The following DEPDC5 variants were observed in gnomAD, a reference collection of about 807,000 sequenced individuals.
DEPDC5 encodes the protein DEP domain containing 5, GATOR1 subcomplex subunit.
A neutral mutation model predicts 217.3 loss-of-function variants in DEPDC5; 73 were observed. The observed-to-expected ratio is 0.34, with a 90% CI of 0.28 to 0.41. The LOEUF is 0.41. Ranked by LOEUF, DEPDC5 falls within the 10% of genes least tolerant of loss-of-function variation. DEPDC5 has a pLI of 1.00. For missense variants in DEPDC5, 1,675 were observed against 2,070.1 expected (o/e 0.81, Z 3.70); for synonymous variants, 733 against 756.7 (o/e 0.97, Z 0.51).
At chr22:31,854,692 A>C (rs879417495) in intron 31 of DEPDC5, among the ~76,000 whole-genome samples, 1 of 152,198 alleles carries the variant, frequency 6.6e-6, no homozygotes, top group Non-Finnish European at 1.5e-5. Flanking sequence ...CTTAGGAAGA[A>C]TAGTGGCCCA....
chr22:31,861,177 TC>T (rs377758632), intron 32 of DEPDC5, among the ~76,000 whole-genome samples, 190 bp from the exon 33 acceptor site: 3 of 150,108 alleles, frequency 2.0e-5, no homozygotes, highest in African/African-American at 7.3e-5. Flanking sequence ...TCTCTCTCTC[TC>T]TTTTTTTTTT....
chr22:31,879,499 C>A (rs773252406), intron 37 of DEPDC5, 26 bp from the exon 38 acceptor site: 3 of 1,597,906 alleles, frequency 1.9e-6, no homozygotes, highest in African/African-American at 1.3e-5. Context: ...GTTGAGTACT[C>A]CTTCTCTCCC....
At chr22:31,794,707 A>C (rs2086045219) in intron 12 of DEPDC5, among the ~76,000 whole-genome samples, 4 of 152,114 alleles carry the variant, frequency 2.6e-5, no homozygotes, top group African/African-American at 9.7e-5. Context: ...CACCATGGAA[A>C]ACCCTGTCTC....
intron 38 of DEPDC5, among the ~76,000 whole-genome samples, chr22:31,890,038 A>G (rs1226949629): frequency 6.6e-6 from 1 of 152,102 alleles, no homozygotes; most frequent in African/African-American, 2.4e-5. Flanking sequence ...AAATTGGGAG[A>G]AGAGACCAGC....
intron 26 of DEPDC5, 31 bp downstream of exon 26, chr22:31,837,186 G>A (rs1463983483): frequency 3.7e-6 from 6 of 1,611,488 alleles, no homozygotes; most frequent in Non-Finnish European, 5.1e-6. Context: ...CACTTGGCTT[G>A]GTTGGTGAGG....
chr22:31,783,606 T>G (rs1443872908), intron 8 of DEPDC5, among the ~76,000 whole-genome samples: 1 of 152,126 alleles, frequency 6.6e-6, no homozygotes, highest in Non-Finnish European at 1.5e-5. Flanking sequence ...AGTTTGAGGC[T>G]GCAGTGAGCT....
upstream of DEPDC5, chr22:31,753,990 TTCTCAGGTGAGCGCTACACGGTC>T: frequency 6.6e-6 from 1 of 151,682 alleles, no homozygotes; most frequent in South Asian, 2.0e-4. Flanking sequence ...GCGGCGCGGG[TTCTCAGGTGAGCGCTACACGGTC>T]GGGGCGGGCC....
intron 38 of DEPDC5, 24 bp from the exon 39 acceptor site, chr22:31,893,558 G>T (rs1360029611): frequency 6.5e-7 from 1 of 1,532,652 alleles, no homozygotes; most frequent in African/African-American, 1.4e-5. Context: ...ACTCTCTTGG[G>T]GCCCCTCCTG....
chr22:31,773,338 C>T (rs1260488787), intron 7 of DEPDC5, among the ~76,000 whole-genome samples: 1 of 152,162 alleles, frequency 6.6e-6, no homozygotes, highest in East Asian at 1.9e-4. Context: ...CAAGTGCGTG[C>T]CAGCATGCCT....
At chr22:31,789,068 TG>T (rs1208952182) in intron 10 of DEPDC5, among the ~76,000 whole-genome samples, 2 of 152,018 alleles carry the variant, frequency 1.3e-5, no homozygotes, top group East Asian at 3.9e-4. Context: ...TGCTAATTTT[TG>T]TATTTTTAGT....
intron 4 of DEPDC5, among the ~76,000 whole-genome samples, chr22:31,761,967 CAAA>C (rs776677814): frequency 2.1e-4 from 13 of 61,364 alleles, no homozygotes; most frequent in Non-Finnish European, 2.6e-4. Context: ...GACTCCGGCT[CAAA>C]AAAAAAAAAA....
At position 31,760,715 on chromosome 22, in the gene DEPDC5, T is replaced by C. The variant is rs1488473434; in HGVS notation, c.193+13T>C. 1 of 1,595,636 alleles carries C rather than the reference T, an allele frequency of 6.3e-7. No homozygotes were observed. Among genetic ancestry groups the C allele is most frequent in the African/African-American group, 1.4e-5 (1 of 73,988 alleles). ...GATTTACAGAAGGGTAAGAATTATA[T>C]CACTCTTCTTAGAATTTTTTATTTA... On this transcript the variant is annotated intron_variant, in intron 4 of 42. Coordinates refer to ENST00000651528, the MANE Select transcript of DEPDC5 (RefSeq NM_001242896.3).
chr22:31,784,096 AATATCATTGTGAGAAT>A, intron 9 of DEPDC5, 111 bp downstream of exon 9: 1 of 820,466 alleles, frequency 1.2e-6, no homozygotes, highest in Non-Finnish European at 2.0e-6. Flanking sequence ...ACAAACTTTA[AATATCATTGTGAGAAT>A]AATCATATTT....
intron 26 of DEPDC5, chr22:31,837,367 C>A: frequency 1.7e-6 from 1 of 587,062 alleles, no homozygotes; most frequent in Non-Finnish European, 2.9e-6. Flanking sequence ...TTTTTTTTAA[C>A]TGAGAGAGGG....
At chr22:31,800,232 C>T (rs1233850155) in intron 14 of DEPDC5, among the ~76,000 whole-genome samples, 2 of 152,098 alleles carry the variant, frequency 1.3e-5, no homozygotes, top group African/African-American at 2.4e-5. Context: ...TGTAAACACC[C>T]TGTGACTAAG....
At chr22:31,867,538 A>C (rs971383709) in intron 33 of DEPDC5, among the ~76,000 whole-genome samples, 1 of 152,232 alleles carries the variant, frequency 6.6e-6, no homozygotes, top group African/African-American at 2.4e-5. Context: ...ATACATAGAT[A>C]GAGCAGAGGT....
chr22:31,828,478 T>C (rs1386990235), intron 24 of DEPDC5, among the ~76,000 whole-genome samples: 11 of 149,650 alleles, frequency 7.4e-5, no homozygotes, highest in South Asian at 2.1e-4. Flanking sequence ...AAAAAAACAG[T>C]TCCTGGCACA....
Position 31,822,686 on chromosome 22 carries a change from T to C in DEPDC5, c.2007-7T>C. ...TAAGCCAGGTGGCTGGGCTCTGTTC[T>C]CTGCAGGCACAGCAATTCCCGCCAG... On this transcript the variant is annotated splice_polypyrimidine_tract_variant and splice_region_variant and intron_variant, in intron 23 of 42. Transcript: ENST00000651528. 1 of 1,613,950 alleles carries C rather than the reference T, an allele frequency of 6.2e-7. No individual in the cohort carries two copies.
intron 4 of DEPDC5, among the ~76,000 whole-genome samples, chr22:31,763,985 A>G (rs1011445910): frequency 1.3e-5 from 2 of 152,130 alleles, no homozygotes; most frequent in Non-Finnish European, 2.9e-5. Context: ...GCTGGAGTGC[A>G]GTGGTGTGAT....
Sources: gnomAD v4.1 joint callset for allele counts (sites outside exome capture counted in the v4.1 genomes callset) on GRCh38, gnomAD v4.1.1 for gene constraint, MANE v1.5 for transcripts, NCBI Gene and HGNC (gene_info 2026-07-23, HGNC 2026-07-21) for gene names.